The following FRMD3 variants were observed in gnomAD, a reference collection of about 807,000 sequenced individuals.
FRMD3 encodes FERM domain-containing protein 3.
In FRMD3, 33 loss-of-function variants were observed where a neutral mutation model predicts 70.2. That is an observed-to-expected ratio of 0.47 (90% CI 0.36 to 0.63). The LOEUF is 0.63. Among genes scored for constraint, FRMD3 ranks in the 20% least tolerant of loss-of-function variants. The pLI is 0.00. For missense variants in FRMD3, 632 were observed against 711.4 expected, an observed-to-expected ratio of 0.89 and a Z score of 1.27; for synonymous variants, 279 against 255.9, an observed-to-expected ratio of 1.09 and a Z score of -0.86.
Position 83,248,526 on chromosome 9 carries a change from G to T in FRMD3, c.1196-10C>A, listed in dbSNP as rs1200107985. 6.5e-7 allele frequency: 1 copy of T among 1,530,914 alleles called. No individual in the cohort carries two copies. Among genetic ancestry groups the T allele is most frequent in the Non-Finnish European group, 8.7e-7 (1 of 1,145,512 alleles). 94.8% of individuals were successfully genotyped at this position (1,530,914 alleles called of 1,614,324 possible). On this transcript the variant is annotated splice_polypyrimidine_tract_variant and intron_variant, in intron 13 of 13. Coordinates refer to ENST00000304195, the MANE Select transcript of FRMD3 (RefSeq NM_174938.6). ...TTAGGCAATGGAACACCTGTAAAGA[G>T]ACATTTTTTTTTCTAAATTTAAAAT...
intron 1 of FRMD3, among the ~76,000 whole-genome samples, chr9:83,402,271 C>T (rs1825970948): frequency 1.4e-5 from 2 of 141,472 alleles, no homozygotes; most frequent in African/African-American, 5.3e-5. Context: ...GACAGAATTC[C>T]TCCTGAAATT....
chr9:83,511,805 C>T (rs78665422), intron 1 of FRMD3, among the ~76,000 whole-genome samples: 2,065 of 152,236 alleles, frequency 0.014, 57 homozygotes, highest in African/African-American at 0.048. Context: ...CCCAGGACCA[C>T]GTTGACAGGG....
At chr9:83,348,684 T>C (rs1189834250) in intron 4 of FRMD3, among the ~76,000 whole-genome samples, 1 of 152,152 alleles carries the variant, frequency 6.6e-6, no homozygotes, top group Non-Finnish European at 1.5e-5. Context: ...TCCCAACCAC[T>C]GCTTATAACG....
the FRMD3 span, among the ~76,000 whole-genome samples, chr9:83,575,519 C>G: frequency 6.6e-6 from 1 of 152,120 alleles, no homozygotes; most frequent in Non-Finnish European, 1.5e-5. Context: ...GCCCAGCTCA[C>G]TCCTTATAAA....
the FRMD3 span, among the ~76,000 whole-genome samples, chr9:83,572,150 T>G: frequency 1.3e-4 from 11 of 86,002 alleles, no homozygotes; most frequent in East Asian, 5.7e-4. Context: ...TTTTTTGAGG[T>G]GTGTGTGTGT....
chr9:83,562,839 C>T, the FRMD3 span, among the ~76,000 whole-genome samples: 2 of 152,058 alleles, frequency 1.3e-5, no homozygotes, highest in South Asian at 2.1e-4. Flanking sequence ...TTTCGGAGCT[C>T]TGGATTCTAA....
chr9:83,354,454 G>A (rs1485177784), intron 3 of FRMD3, among the ~76,000 whole-genome samples: 1 of 152,138 alleles, frequency 6.6e-6, no homozygotes, highest in African/African-American at 2.4e-5. Flanking sequence ...GAAACATTGG[G>A]TACTCATGGA....
chr9:83,347,702 A>T (rs1312806438), intron 4 of FRMD3, among the ~76,000 whole-genome samples: 1 of 152,198 alleles, frequency 6.6e-6, no homozygotes, highest in East Asian at 1.9e-4. Context: ...TCACATATTA[A>T]ATTCTTCTCA....
At chr9:83,423,585 C>CTTTTT (rs869226126) in intron 1 of FRMD3, among the ~76,000 whole-genome samples, 3,173 of 60,462 alleles carry the variant, frequency 0.052, 660 homozygotes, top group Non-Finnish European at 0.065. Context: ...AGCCCTGTTT[C>CTTTTT]TTTTTTTTTT....
chr9:83,547,646 C>A, the FRMD3 span, among the ~76,000 whole-genome samples: 1 of 152,076 alleles, frequency 6.6e-6, no homozygotes. Context: ...AGAAAATCAA[C>A]AAAGAAACTC....
intron 1 of FRMD3, among the ~76,000 whole-genome samples, chr9:83,489,427 C>G (rs1828764788): frequency 6.6e-6 from 1 of 151,998 alleles, no homozygotes; most frequent in Non-Finnish European, 1.5e-5. Context: ...ACAAACAACC[C>G]CATTAAAAAA....
At chr9:83,379,238 C>T (rs1587795092) in intron 2 of FRMD3, among the ~76,000 whole-genome samples, 1 of 152,160 alleles carries the variant, frequency 6.6e-6, no homozygotes, top group East Asian at 1.9e-4. Context: ...ACCAATAACT[C>T]CTGCTATTAT....
chr9:83,385,534 A>G (rs964334834), intron 2 of FRMD3, among the ~76,000 whole-genome samples: 1 of 152,176 alleles, frequency 6.6e-6, no homozygotes, highest in Non-Finnish European at 1.5e-5. Flanking sequence ...TGCCAAACAT[A>G]TGGTGTTCCA....
chr9:83,585,031 A>C, the FRMD3 span, among the ~76,000 whole-genome samples: 1 of 152,164 alleles, frequency 6.6e-6, no homozygotes, highest in Non-Finnish European at 1.5e-5. Context: ...AGCCTCATTA[A>C]AACCTTAGGA....
chr9:83,332,094 C>G (rs575687514), intron 6 of FRMD3: 120 of 562,208 alleles, frequency 2.1e-4, no homozygotes, highest in South Asian at 5.4e-4. Context: ...CAAGAAGAAG[C>G]CTTTCTTGCT....
At chr9:83,493,333 G>C (rs1382238192) in intron 1 of FRMD3, among the ~76,000 whole-genome samples, 2 of 152,194 alleles carry the variant, frequency 1.3e-5, no homozygotes, top group Non-Finnish European at 2.9e-5. Flanking sequence ...TTTATCCTCA[G>C]CTTTGTTCTC....
chr9:83,425,185 T>C (rs150136066), intron 1 of FRMD3, among the ~76,000 whole-genome samples: 1,825 of 152,340 alleles, frequency 0.012, 50 homozygotes, highest in African/African-American at 0.042. Context: ...TTAATCTTGC[T>C]GGGTTTTACA....
intron 3 of FRMD3, among the ~76,000 whole-genome samples, chr9:83,366,774 C>T (rs924736614): frequency 1.3e-5 from 2 of 152,170 alleles, no homozygotes; most frequent in African/African-American, 2.4e-5. Context: ...TGAGCAGCTA[C>T]AAAAATCCTG....
chr9:83,263,144 C>A (rs750445445), intron 13 of FRMD3, among the ~76,000 whole-genome samples: 1 of 152,278 alleles, frequency 6.6e-6, no homozygotes, highest in Middle Eastern at 3.4e-3. Flanking sequence ...CTGACAGCAA[C>A]GGCATGAGGG....
Sources: gnomAD v4.1 joint callset for allele counts (sites outside exome capture counted in the v4.1 genomes callset) on GRCh38, gnomAD v4.1.1 for gene constraint, MANE v1.5 for transcripts, NCBI Gene and HGNC (gene_info 2026-07-23, HGNC 2026-07-21) for gene names.